The following KBTBD11 variants were observed in gnomAD, a reference collection of about 807,000 sequenced individuals.
KBTBD11 encodes the protein kelch repeat and BTB domain-containing protein 11.
For missense variants in KBTBD11, 1,390 were observed against 1,001.8 expected (o/e 1.39, Z -5.23); for synonymous variants, 747 against 499.0 (o/e 1.50, Z -6.63).
chr8:1,988,135 T>C (rs1816763986), intron 1 of KBTBD11, among the ~76,000 whole-genome samples: 1 of 152,242 alleles, frequency 6.6e-6, no homozygotes, highest in Non-Finnish European at 1.5e-5. Flanking sequence ...CTATCATTGT[T>C]GGACATTTGG....
intron 1 of KBTBD11, among the ~76,000 whole-genome samples, chr8:1,978,128 G>A (rs2129308139): frequency 6.6e-6 from 1 of 152,288 alleles, no homozygotes; most frequent in South Asian, 2.1e-4. Context: ...GCAGGCATTA[G>A]CTCTTTATCC....
chr8:1,986,401 GA>G (rs1203073874), intron 1 of KBTBD11, among the ~76,000 whole-genome samples: 2 of 152,152 alleles, frequency 1.3e-5, no homozygotes, highest in Non-Finnish European at 2.9e-5. Context: ...TTATACCAAC[GA>G]TGCAAATAAA....
chr8:2,000,783 C>G lies in KBTBD11; in HGVS notation c.-410C>G. 2 of 178,058 alleles carry G rather than the reference C, an allele frequency of 1.1e-5. No homozygotes were observed. The highest frequency in any genetic ancestry group is 2.3e-5 in the Non-Finnish European group (2 of 85,298). The allele number at this position is 178,058 out of a possible 1,614,324, so 11.0% of individuals were successfully genotyped here. On this transcript the variant is annotated 5_prime_UTR_variant, in exon 2 of 2. Coordinates refer to ENST00000320248, the MANE Select transcript of KBTBD11 (RefSeq NM_014867.3). Reference sequence around the variant, plus strand: ...AGCGTTGCAAAGAGGGATAGCTAGTCACTCAGGCTGCAGAGAGAGACACCT... The same window carrying G: ...AGCGTTGCAAAGAGGGATAGCTAGTGACTCAGGCTGCAGAGAGAGACACCT...
Position 2,001,824 on chromosome 8 carries a change from C to G in KBTBD11, c.632C>G (p.Ala211Gly). Residue 211 changes from alanine to glycine, a missense_variant, in exon 2 of 2, where the codon GCG (alanine) becomes GGG (glycine). Physicochemically the swap from Ala to Gly is moderately conservative, Grantham distance 60. Coordinates refer to ENST00000320248, the MANE Select transcript of KBTBD11 (RefSeq NM_014867.3). ...AACGTGGCCGAGGTGGTGGCCGGCG[C>G]GCGCCGCCTGCAGCTGCCCGGCGCC... Reference protein sequence around the residue: ...PDNVAEVVAGARRLQLPGAAQ... With the variant: ...PDNVAEVVAGGRRLQLPGAAQ... 1.6e-6 allele frequency: 2 copies of G among 1,220,190 alleles called. No individual in the cohort carries two copies. The highest frequency in any genetic ancestry group is 2.0e-6 in the Non-Finnish European group (2 of 984,056). The allele number at this position is 1,220,190 out of a possible 1,614,324, so 75.6% of individuals were successfully genotyped here.
chr8:1,987,449 C>T (rs1274264028), intron 1 of KBTBD11, among the ~76,000 whole-genome samples: 1 of 152,156 alleles, frequency 6.6e-6, no homozygotes, highest in Admixed American at 6.5e-5. Flanking sequence ...GATCATATTA[C>T]TGTTCCCGTC....
At chr8:1,989,737 A>T (rs1285930658) in intron 1 of KBTBD11, among the ~76,000 whole-genome samples, 1 of 151,870 alleles carries the variant, frequency 6.6e-6, no homozygotes, top group Non-Finnish European at 1.5e-5. Context: ...GTGCCCCCTC[A>T]CCTCCCTTGC....
intron 1 of KBTBD11, among the ~76,000 whole-genome samples, chr8:1,979,973 G>A (rs958318318): frequency 6.6e-6 from 1 of 152,206 alleles, no homozygotes; most frequent in Non-Finnish European, 1.5e-5. Context: ...AGTACTTTGG[G>A]AGTGCAGTGC....
chr8:2,001,175 G>C lies in KBTBD11; in HGVS notation c.-18G>C, dbSNP rs1171664042. 1 of 1,326,180 alleles carries C rather than the reference G, an allele frequency of 7.5e-7. No homozygotes were observed. The highest frequency in any genetic ancestry group is 9.6e-7 in the Non-Finnish European group (1 of 1,038,696). The allele number at this position is 1,326,180 out of a possible 1,614,324, so 82.2% of individuals were successfully genotyped here. Reference sequence around the variant, plus strand: ...GCGGAACCGGGGGCGCGCGGGCGCAGCGCAGCACAGCCCGGCCATGGAGCA... The same window carrying C: ...GCGGAACCGGGGGCGCGCGGGCGCACCGCAGCACAGCCCGGCCATGGAGCA... On this transcript the variant is annotated 5_prime_UTR_variant, in exon 2 of 2. Coordinates refer to ENST00000320248, the MANE Select transcript of KBTBD11 (RefSeq NM_014867.3).
rs934117025 is a variant in KBTBD11, at chr8:2,004,680, G to A, written c.*1616G>A. The A allele has an allele frequency of 6.0e-6, 1 of 167,036 alleles. No individual in the cohort carries two copies. Among genetic ancestry groups the A allele is most frequent in the Non-Finnish European group, 1.5e-5 (1 of 68,124 alleles). The allele number at this position is 167,036 out of a possible 1,614,324, so 10.3% of individuals were successfully genotyped here. On this transcript the variant is annotated 3_prime_UTR_variant, in exon 2 of 2. Coordinates refer to ENST00000320248, the MANE Select transcript of KBTBD11 (RefSeq NM_014867.3). ...TACGGTATGTTCTGGGGACGTGTCT[G>A]CTTGCCCATGGTTACTCATGAACTG...
chr8:1,997,908 A>C (rs992112189), intron 1 of KBTBD11, among the ~76,000 whole-genome samples: 10 of 152,332 alleles, frequency 6.6e-5, no homozygotes, highest in African/African-American at 1.9e-4. Flanking sequence ...CCTCTGCTGG[A>C]AGGGGCTCCT....
At position 2,000,461 on chromosome 8, in the gene KBTBD11, C is replaced by T. The variant is rs905564621; in HGVS notation, c.-732C>T. 1.3e-5 allele frequency: 2 copies of T among 152,200 alleles called. No homozygotes were observed. The highest frequency in any genetic ancestry group is 6.5e-5 in the Admixed American group (1 of 15,280). 9.4% of individuals were successfully genotyped at this position (152,200 alleles called of 1,614,324 possible). On this transcript the variant is annotated 5_prime_UTR_variant, in exon 2 of 2. Transcript: ENST00000320248. ...GTATATGAGGAGGTGTGGATGCCGA[C>T]ACACGGGGAGAGCTCCTGAGACCAG... is the stretch of plus-strand genomic sequence containing the variant.
At chr8:1,978,678 G>T (rs1816434690) in intron 1 of KBTBD11, among the ~76,000 whole-genome samples, 1 of 152,210 alleles carries the variant, frequency 6.6e-6, no homozygotes, top group African/African-American at 2.4e-5. Flanking sequence ...AGGGAACGGG[G>T]TCTCAACTGT....
intron 1 of KBTBD11, among the ~76,000 whole-genome samples, chr8:1,985,984 A>G (rs1256267422): frequency 6.6e-6 from 1 of 152,258 alleles, no homozygotes; most frequent in Non-Finnish European, 1.5e-5. Flanking sequence ...CCATCTGGAT[A>G]TGAAACTGTC....
intron 1 of KBTBD11, 87 bp downstream of exon 1, chr8:1,974,022 TG>T: frequency 4.5e-6 from 1 of 224,044 alleles, no homozygotes. Flanking sequence ...GGGCGGCGGG[TG>T]GGAGGTGGTC....
rs145091246 is a variant in KBTBD11, at chr8:1,984,103, C to G, written c.-909+10168C>G. On this transcript the variant is annotated intron_variant, in intron 1 of 1. Coordinates refer to ENST00000320248, the MANE Select transcript of KBTBD11 (RefSeq NM_014867.3). ...CAAGATCGCGCCATTGCCTGGGCAA[C>G]AAGAGCGACCGTCTGAAAAAAATTT... Among the ~76,000 whole-genome samples the G allele has an allele frequency of 1.7e-3, 261 of 152,228 alleles. 1 individual carries two copies. The highest frequency in any genetic ancestry group is 6.0e-3 in the African/African-American group (250 of 41,552).
rs202152148 is a variant in KBTBD11 at position 2,002,637 on chromosome 8, A to T, written c.1445A>T (p.Glu482Val). 1 of 1,580,070 alleles carries T rather than the reference A, an allele frequency of 6.3e-7. No homozygotes were observed. Among genetic ancestry groups the T allele is most frequent in the Non-Finnish European group, 8.5e-7 (1 of 1,172,100 alleles). Residue 482 changes from glutamate (E) to valine (V), a missense_variant, in exon 2 of 2, where the codon GAG becomes GTG. Physicochemically the swap from Glu to Val is moderately radical, Grantham distance 121. Coordinates refer to ENST00000320248, the MANE Select transcript of KBTBD11 (RefSeq NM_014867.3). The surrounding 1 kb of genome is among the most constrained non-coding windows in gnomAD (Gnocchi z 4.1). ...KYDPRRDEWQ[E>V]CPCSSSRERS... ...GACCCGCGGCGCGACGAGTGGCAGG[A>T]GTGCCCGTGCAGCAGCAGCCGCGAG...
Position 2,001,451 on chromosome 8 carries a change from T to C in KBTBD11, c.259T>C (p.Ser87Pro). Residue 87 changes from serine (S) to proline (P), a missense_variant, in exon 2 of 2, where the codon TCC (serine) becomes CCC (proline). Physicochemically the swap from Ser to Pro is moderately conservative, Grantham distance 74. Coordinates refer to ENST00000320248, the MANE Select transcript of KBTBD11 (RefSeq NM_014867.3). ...QWEAGSAGAA[S>P]PEELASPEER... ...GGAGGCCGGCAGCGCGGGCGCCGCG[T>C]CCCCGGAGGAGCTCGCGTCCCCTGA... 1 of 1,356,008 alleles carries C rather than the reference T, an allele frequency of 7.4e-7. No homozygotes were observed. The highest frequency in any genetic ancestry group is 1.8e-5 in the South Asian group (1 of 55,154). The allele number at this position is 1,356,008 out of a possible 1,614,324, so 84.0% of individuals were successfully genotyped here.
chr8:1,992,471 G>C (rs1246040445), intron 1 of KBTBD11, among the ~76,000 whole-genome samples: 1 of 152,016 alleles, frequency 6.6e-6, no homozygotes, highest in Admixed American at 6.6e-5. Flanking sequence ...AAGCGGGGGT[G>C]GGGTGGGAAA....
intron 1 of KBTBD11, among the ~76,000 whole-genome samples, chr8:1,982,671 A>C (rs185599668): frequency 4.1e-4 from 63 of 152,332 alleles, no homozygotes; most frequent in Non-Finnish European, 8.1e-4. Context: ...AGCTTTGTAC[A>C]ATGCAAGCAG....
Sources: allele counts gnomAD v4.1 joint callset (sites outside exome capture counted in the v4.1 genomes callset), GRCh38; gene constraint gnomAD v4.1.1; non-coding constraint Gnocchi (gnomAD v3.1); transcripts MANE v1.5; gene names NCBI Gene and HGNC (gene_info 2026-07-23, HGNC 2026-07-21).